RBPJ: variants seen among roughly 807,000 people sequenced by gnomAD.
The protein encoded by RBPJ is recombination signal binding protein for immunoglobulin kappa J region, also known as recombining binding protein suppressor of hairless.
A neutral mutation model predicts 67.8 loss-of-function variants in RBPJ; 9 were observed. That is an observed-to-expected ratio of 0.13 (90% CI 0.08 to 0.23). The LOEUF (loss-of-function observed/expected upper bound fraction) is 0.23. Among genes scored for constraint, RBPJ ranks in the 10% least tolerant of loss-of-function variants. RBPJ has a pLI of 1.00. For missense variants in RBPJ, 305 were observed against 595.6 expected, an observed-to-expected ratio of 0.51 and a Z score of 5.08; for synonymous variants, 198 against 203.3, an observed-to-expected ratio of 0.97 and a Z score of 0.22.
At chr4:26,245,088 G>C (rs1719882108) in intron 1 of RBPJ, among the ~76,000 whole-genome samples, 1 of 150,712 alleles carries the variant, frequency 6.6e-6, no homozygotes, top group Non-Finnish European at 1.5e-5. Flanking sequence ...CCTCAAGTTT[G>C]TACAACAATC....
chr4:26,309,721 G>A (rs1722362247), intron 1 of RBPJ, among the ~76,000 whole-genome samples: 1 of 152,172 alleles, frequency 6.6e-6, no homozygotes, highest in Admixed American at 6.5e-5. Context: ...AACGGGCAAA[G>A]TTTAGGAAAT....
intron 1 of RBPJ, among the ~76,000 whole-genome samples, chr4:26,187,146 C>T (rs10939099): frequency 0.66 from 99,896 of 152,036 alleles, 33,621 homozygotes; most frequent in African/African-American, 0.8. Flanking sequence ...TGCTTGAGCC[C>T]GGGAAGTGGA....
At chr4:26,209,111 A>G (rs530736303) in intron 1 of RBPJ, among the ~76,000 whole-genome samples, 25 of 150,450 alleles carry the variant, frequency 1.7e-4, no homozygotes, top group Non-Finnish European at 3.7e-4. Flanking sequence ...ATATATATAT[A>G]TATAAAAGCA....
rs1316403296 is a variant in RBPJ, at chr4:26,424,698, A to G, written c.702A>G (p.Thr234=). 4 of 1,613,898 alleles carry G rather than the reference A, an allele frequency of 2.5e-6. No homozygotes were observed. The Admixed American group carries it at 5.0e-5, about 20-fold the overall frequency. ...ATGGCTACATCCATTATGGACAAACAGTCAAACTTGTGTGCTCAGTTACTG... is the reference window on the plus strand; with the variant it reads ...ATGGCTACATCCATTATGGACAAACGGTCAAACTTGTGTGCTCAGTTACTG... The part of the protein sequence containing the change: ...VRDGYIHYGQ[T]VKLVCSVTGM... The change falls in exon 7 of 11, where the codon ACA becomes ACG. Residue 234 remains threonine (T), a synonymous_variant. Coordinates refer to ENST00000355476, the MANE Select transcript of RBPJ (RefSeq NM_015874.6). This position sits in a 1 kb window ranked among gnomAD's most constrained non-coding sequence, Gnocchi z 5.3.
At chr4:26,420,463 T>C (rs943154631) in intron 4 of RBPJ, 88 bp from the exon 5 acceptor site, 2 of 811,048 alleles carry the variant, frequency 2.5e-6, no homozygotes, top group African/African-American at 1.8e-5. Flanking sequence ...GTTTTACTTA[T>C]TACTTAAACC....
intron 1 of RBPJ, among the ~76,000 whole-genome samples, chr4:26,276,738 GTGACTGTCTGATATTAAC>G (rs1721099500): frequency 1.3e-5 from 2 of 152,352 alleles, no homozygotes; most frequent in South Asian, 4.1e-4. Context: ...AGCTACAGGA[GTGACTGTCTGATATTAAC>G]TGAGCACATA....
intron 1 of RBPJ, among the ~76,000 whole-genome samples, chr4:26,354,302 T>A (rs1475272698): frequency 6.6e-6 from 1 of 152,194 alleles, no homozygotes; most frequent in Admixed American, 6.5e-5. Flanking sequence ...TGTTTTCATG[T>A]TACTTTTATA....
chr4:26,412,923 A>G (rs1307089007), intron 3 of RBPJ: 1 of 152,150 alleles, frequency 6.6e-6, no homozygotes, highest in Non-Finnish European at 1.5e-5. Context: ...CTTCCCTCCA[A>G]ATTTAGAGTG....
intron 1 of RBPJ, among the ~76,000 whole-genome samples, chr4:26,173,803 G>A (rs763028460): frequency 6.6e-6 from 1 of 152,212 alleles, no homozygotes; most frequent in Non-Finnish European, 1.5e-5. Flanking sequence ...CACTGGACTA[G>A]GTGCTGAGCA....
At chr4:26,220,295 G>A (rs557589923) in intron 1 of RBPJ, among the ~76,000 whole-genome samples, 5 of 152,216 alleles carry the variant, frequency 3.3e-5, no homozygotes, top group African/African-American at 9.6e-5. Flanking sequence ...TTTGAACTTG[G>A]ATAGTTTCTG....
chr4:26,299,096 T>C (rs1398217591), intron 1 of RBPJ, among the ~76,000 whole-genome samples: 1 of 152,174 alleles, frequency 6.6e-6, no homozygotes, highest in Non-Finnish European at 1.5e-5. Flanking sequence ...AGCAAGGACA[T>C]ACTTTCTACC....
At chr4:26,333,759 A>G (rs557545879) in intron 1 of RBPJ, among the ~76,000 whole-genome samples, 1 of 152,144 alleles carries the variant, frequency 6.6e-6, no homozygotes, top group African/African-American at 2.4e-5. Context: ...GCAAAATCAC[A>G]GCTCACTGTA....
At chr4:26,231,314 A>C (rs1047621598) in intron 1 of RBPJ, among the ~76,000 whole-genome samples, 1 of 152,186 alleles carries the variant, frequency 6.6e-6, no homozygotes, top group African/African-American at 2.4e-5. Flanking sequence ...TTTGACTGAG[A>C]TGACTAATCA....
At chr4:26,122,090 T>C in the RBPJ span, among the ~76,000 whole-genome samples, 26 of 152,284 alleles carry the variant, frequency 1.7e-4, no homozygotes, top group Non-Finnish European at 2.9e-4. Flanking sequence ...TGAAATTTTA[T>C]ATATGGACAC....
the RBPJ span, among the ~76,000 whole-genome samples, chr4:26,146,030 G>T: frequency 8.7e-4 from 133 of 152,250 alleles, no homozygotes; most frequent in African/African-American, 3.1e-3. Flanking sequence ...TTGACCTTCT[G>T]GGCTCAAGTA....
intron 1 of RBPJ, among the ~76,000 whole-genome samples, chr4:26,255,319 G>C (rs1156871911): frequency 8.0e-6 from 1 of 125,772 alleles, no homozygotes; most frequent in Non-Finnish European, 1.6e-5. Flanking sequence ...CAGGAGAATG[G>C]CGTGAACCCA....
the RBPJ span, among the ~76,000 whole-genome samples, chr4:26,106,243 T>C: frequency 3.9e-5 from 6 of 152,222 alleles, no homozygotes. Context: ...AACAGTATTT[T>C]CCAGGCTATC....
At chr4:26,109,668 C>CTCTCTCTA in the RBPJ span, among the ~76,000 whole-genome samples, 2 of 33,294 alleles carry the variant, frequency 6.0e-5, 1 homozygote, top group Non-Finnish European at 1.1e-4. Flanking sequence ...CTCTCTCTCT[C>CTCTCTCTA]TATATATATA....
rs868679916 is a variant in RBPJ at position 26,167,455 on chromosome 4, A to G, written c.-167+3841A>G. ...ACGTCCCTTGTAAGTTGGATTCCTA[A>G]GTATTTTATTCTCTTTGAAGCAATT... On this transcript the variant is annotated intron_variant, in intron 1 of 4. Coordinates refer to the RBPJ transcript ENST00000512351. Among the ~76,000 whole-genome samples the G allele has an allele frequency of 3.0e-3, 436 of 146,486 alleles. 2 individuals are homozygous for G. The highest frequency in any genetic ancestry group is 0.01 in the African/African-American group (406 of 39,646).
Sources: allele counts gnomAD v4.1 joint callset (sites outside exome capture counted in the v4.1 genomes callset), GRCh38; gene constraint gnomAD v4.1.1; non-coding constraint Gnocchi (gnomAD v3.1); transcripts MANE v1.5; gene names NCBI Gene and HGNC (gene_info 2026-07-23, HGNC 2026-07-21).